The following IL16 variants were observed in gnomAD, a reference collection of about 807,000 sequenced individuals.
The protein encoded by IL16 is interleukin 16.
IL16 carries 67 observed loss-of-function variants against 110.1 expected under a neutral mutation model. The ratio of observed to expected loss-of-function variants is 0.61; its 90% confidence interval spans 0.50 to 0.75. The LOEUF (loss-of-function observed/expected upper bound fraction) is 0.75, where lower values mean the gene tolerates loss of function less well. Ranked by LOEUF, IL16 falls within the 30% of genes least tolerant of loss-of-function variation. The pLI, the probability that IL16 is intolerant of heterozygous loss-of-function variation, is 0.00. For synonymous variants in IL16, 689 were observed against 662.9 expected (o/e 1.04, Z -0.61); for missense variants, 1,545 against 1,655.0 (o/e 0.93, Z 1.15).
At chr15:81,198,145 C>G (rs1354824485) in intron 1 of IL16, among the ~76,000 whole-genome samples, 2 of 152,120 alleles carry the variant, frequency 1.3e-5, no homozygotes, top group African/African-American at 4.8e-5. Flanking sequence ...GGGTCAGACC[C>G]TTGAAGCCTC....
intron 2 of IL16, among the ~76,000 whole-genome samples, chr15:81,237,105 C>T (rs1897201406): frequency 6.6e-6 from 1 of 152,196 alleles, no homozygotes. Flanking sequence ...GCCTCCAAGC[C>T]TTTGTCCTTG....
upstream of IL16, among the ~76,000 whole-genome samples, chr15:81,191,911 A>G (rs1486166619): frequency 2.6e-5 from 4 of 152,242 alleles, no homozygotes; most frequent in South Asian, 2.1e-4. Flanking sequence ...GGGTGAGATC[A>G]TTTAGCTCCT....
chr15:81,264,330 T>C (rs1051566364), intron 3 of IL16, among the ~76,000 whole-genome samples: 55 of 152,236 alleles, frequency 3.6e-4, no homozygotes, highest in African/African-American at 1.3e-3. Context: ...CCAGCCACTC[T>C]CTGGGCCCCG....
rs746802432 is a variant in IL16, at chr15:81,299,572, G to A, written c.2246G>A (p.Gly749Glu). Residue 749 changes from glycine (G) to glutamate (E), a missense_variant, in exon 14 of 19, where the codon GGG becomes GAG. Gly to Glu is a moderately conservative substitution (Grantham distance 98). Around this residue, in one of 3 missense-constraint regions of IL16, gnomAD observed 1,185 missense variants for 1,238.8 expected, o/e 0.96. Transcript: ENST00000683961. Reference sequence around the variant, plus strand: ...AATGCCAGCCTGAATGAAGAAGAAGGGACACAGGGCCACCCAGATGGGACC... The same window carrying A: ...AATGCCAGCCTGAATGAAGAAGAAGAGACACAGGGCCACCCAGATGGGACC... ...QPNASLNEEE[G>E]TQGHPDGTPP... 1.2e-6 allele frequency: 2 copies of A among 1,614,110 alleles called. No individual in the cohort carries two copies. The highest frequency in any genetic ancestry group is 1.7e-6 in the Non-Finnish European group (2 of 1,180,034).
rs1028273335 is a variant in IL16, at chr15:81,310,203, CACAA to C, written c.*1410_*1413del. 11 of 152,242 alleles carry C rather than the reference CACAA, an allele frequency of 7.2e-5. No homozygotes were observed. Among genetic ancestry groups the C allele is most frequent in the Admixed American group, 5.9e-4 (9 of 15,286 alleles). The allele number at this position is 152,242 out of a possible 1,614,324, so 9.4% of individuals were successfully genotyped here. On this transcript the variant is annotated 3_prime_UTR_variant, in exon 19 of 19. Coordinates refer to ENST00000683961, the MANE Select transcript of IL16 (RefSeq NM_172217.5). ...AGACCTGGCAAGGACACAGATGAAA[CACAA>C]ACAATAGTAATTCTCAGGCCATCAT...
chr15:81,295,637 AG>A, intron 12 of IL16: 1 of 475,740 alleles, frequency 2.1e-6, no homozygotes, highest in South Asian at 1.8e-5. Flanking sequence ...TTTAAGGGCT[AG>A]TTCGAGAAGC....
chr15:81,258,453 C>T (rs1898026493), intron 2 of IL16, among the ~76,000 whole-genome samples: 1 of 152,196 alleles, frequency 6.6e-6, no homozygotes, highest in Non-Finnish European at 1.5e-5. Context: ...GTAATCCTTA[C>T]ACTTTGGGAG....
intron 12 of IL16, 35 bp from the exon 13 acceptor site, chr15:81,296,892 GT>G (rs1900011604): frequency 6.4e-7 from 1 of 1,558,492 alleles, no homozygotes; most frequent in African/African-American, 1.4e-5. Flanking sequence ...TGAGGCTACC[GT>G]TTTGACATGG....
At chr15:81,197,205 G>C in intron 1 of IL16, 53 bp downstream of exon 1, 2 of 1,207,730 alleles carry the variant, frequency 1.7e-6, no homozygotes, top group Non-Finnish European at 2.2e-6. Context: ...GTTACCGGAG[G>C]GAGGAAGCTG....
chr15:81,226,384 G>A (rs915739565), intron 2 of IL16, among the ~76,000 whole-genome samples: 3 of 152,206 alleles, frequency 2.0e-5, no homozygotes, highest in Non-Finnish European at 4.4e-5. Context: ...TCTAGACCAA[G>A]TAAAATATTT....
At chr15:81,188,207 C>T in intron 1 of IL16, 1 of 406,242 alleles carries the variant, frequency 2.5e-6, no homozygotes, top group South Asian at 1.8e-5. Context: ...AATACAAAAA[C>T]AGCACAAAAT....
intron 18 of IL16, 200 bp downstream of exon 18, chr15:81,306,745 T>G: frequency 1.5e-6 from 1 of 660,004 alleles, no homozygotes; most frequent in Non-Finnish European, 2.7e-6. Flanking sequence ...CAATCCCCCC[T>G]CTGTTTTGAT....
At chr15:81,272,849 G>A (rs572280904) in intron 5 of IL16, among the ~76,000 whole-genome samples, 13 of 152,268 alleles carry the variant, frequency 8.5e-5, no homozygotes, top group African/African-American at 2.2e-4. Context: ...AGATTCCCGC[G>A]AAAGCTCCAG....
At chr15:81,235,463 A>G (rs990100828) in intron 2 of IL16, among the ~76,000 whole-genome samples, 2 of 152,170 alleles carry the variant, frequency 1.3e-5, no homozygotes, top group African/African-American at 4.8e-5. Context: ...GACCACAAAA[A>G]GAGCACAAAG....
At chr15:81,289,669 A>G (rs1899616183) in intron 10 of IL16, among the ~76,000 whole-genome samples, 1 of 152,164 alleles carries the variant, frequency 6.6e-6, no homozygotes, top group East Asian at 1.9e-4. Flanking sequence ...AGTTCTTTAT[A>G]TAATCTGCAA....
At chr15:81,283,390 T>C (rs1321180777) in intron 9 of IL16, among the ~76,000 whole-genome samples, 1 of 150,874 alleles carries the variant, frequency 6.6e-6, no homozygotes, top group African/African-American at 2.4e-5. Flanking sequence ...AAAAAGAGAA[T>C]GATCTGGGCA....
At chr15:81,214,279 T>G (rs1269216085) in intron 1 of IL16, among the ~76,000 whole-genome samples, 2 of 152,218 alleles carry the variant, frequency 1.3e-5, no homozygotes, top group Non-Finnish European at 2.9e-5. Flanking sequence ...ATTCCATGTT[T>G]AGCACTCCCA....
Position 81,308,885 on chromosome 15 carries a change from C to G in IL16, c.*87C>G. 1 of 1,225,282 alleles carries G rather than the reference C, an allele frequency of 8.2e-7. No homozygotes were observed. Among genetic ancestry groups the G allele is most frequent in the Non-Finnish European group, 1.1e-6 (1 of 879,190 alleles). 75.9% of individuals were successfully genotyped at this position (1,225,282 alleles called of 1,614,324 possible). On this transcript the variant is annotated 3_prime_UTR_variant, in exon 19 of 19. Transcript: ENST00000683961. ...GATTCTCAGGGTCTCTGCTGCCGCCCCACCCAGATGGGGGAAAGCACAGGT... is the reference window on the plus strand; with the variant it reads ...GATTCTCAGGGTCTCTGCTGCCGCCGCACCCAGATGGGGGAAAGCACAGGT...
chr15:81,270,817 G>A lies in IL16; in HGVS notation c.675+1169G>A, dbSNP rs145720567. Among the ~76,000 whole-genome samples the A allele has an allele frequency of 1.8e-4, 27 of 152,246 alleles. No individual in the cohort carries two copies. In the East Asian group the frequency reaches 4.0e-3, roughly 23 times the overall value. ...TTCAATGAGTAATCTTTATGAGGCC[G>A]GGGGGTGGAAGAAGATGAATCATTT... On this transcript the variant is annotated intron_variant, in intron 5 of 18. Transcript: ENST00000683961.
Sources: allele counts gnomAD v4.1 joint callset (sites outside exome capture counted in the v4.1 genomes callset), GRCh38; gene constraint gnomAD v4.1.1; regional missense constraint gnomAD v4.1.1; transcripts MANE v1.5; gene names NCBI Gene and HGNC (gene_info 2026-07-23, HGNC 2026-07-21).